Variants in ZFYVE9 observed in about 807,000 individuals in gnomAD.
ZFYVE9 encodes zinc finger FYVE-type containing 9, also known as zinc finger FYVE domain-containing protein 9.
In ZFYVE9, 43 loss-of-function variants were observed where a neutral mutation model predicts 126.7. That is an observed-to-expected ratio of 0.34 (90% CI 0.27 to 0.44). The LOEUF (loss-of-function observed/expected upper bound fraction) is 0.44, where lower values mean the gene tolerates loss of function less well. Among genes scored for constraint, ZFYVE9 ranks in the 20% least tolerant of loss-of-function variants. The pLI is 1.00. For missense variants in ZFYVE9, 1,476 were observed against 1,697.0 expected (o/e 0.87, Z 2.29); for synonymous variants, 521 against 597.4 (o/e 0.87, Z 1.87).
At chr1:52,159,887 C>T (rs1053620190) in intron 1 of ZFYVE9, among the ~76,000 whole-genome samples, 1 of 151,904 alleles carries the variant, frequency 6.6e-6, no homozygotes, top group Non-Finnish European at 1.5e-5. Flanking sequence ...GCTCCGCCTC[C>T]CAGGTTCACG....
intron 10 of ZFYVE9, among the ~76,000 whole-genome samples, chr1:52,290,760 A>G (rs1645911937): frequency 1.3e-5 from 2 of 152,148 alleles, no homozygotes; most frequent in African/African-American, 4.8e-5. Flanking sequence ...CAAAAATCAT[A>G]TATTTGGCTG....
At chr1:52,229,462 G>A (rs534917215) in intron 2 of ZFYVE9, among the ~76,000 whole-genome samples, 1 of 152,270 alleles carries the variant, frequency 6.6e-6, no homozygotes, top group South Asian at 2.1e-4. Flanking sequence ...GATAATGTGA[G>A]GTACTGTGAA....
intron 13 of ZFYVE9, among the ~76,000 whole-genome samples, chr1:52,319,030 G>T (rs1557517809): frequency 6.6e-6 from 1 of 152,176 alleles, no homozygotes; most frequent in Non-Finnish European, 1.5e-5. Flanking sequence ...CTAGGAGGCA[G>T]AGGTTGCAGT....
intron 4 of ZFYVE9, among the ~76,000 whole-genome samples, chr1:52,256,359 G>A (rs1279988236): frequency 6.6e-6 from 1 of 151,450 alleles, no homozygotes; most frequent in African/African-American, 2.4e-5. Flanking sequence ...GAGCCACCAT[G>A]CCCGGCTCTT....
intron 3 of ZFYVE9, among the ~76,000 whole-genome samples, chr1:52,236,480 A>T (rs905618829): frequency 1.3e-5 from 2 of 152,190 alleles, no homozygotes; most frequent in African/African-American, 2.4e-5. Flanking sequence ...GACCATGATT[A>T]TCAGAGATAC....
chr1:52,286,452 CTTT>C (rs1176469203), intron 10 of ZFYVE9, among the ~76,000 whole-genome samples: 1 of 152,122 alleles, frequency 6.6e-6, no homozygotes, highest in Non-Finnish European at 1.5e-5. Context: ...TACACACACA[CTTT>C]TTTGTCATAC....
chr1:52,171,618 A>G (rs945483803), intron 1 of ZFYVE9, among the ~76,000 whole-genome samples: 1 of 152,152 alleles, frequency 6.6e-6, no homozygotes, highest in East Asian at 1.9e-4. Context: ...TCCCACCAAC[A>G]GTGTAAAAGT....
intron 2 of ZFYVE9, among the ~76,000 whole-genome samples, chr1:52,227,737 T>C (rs1557467883): frequency 6.6e-6 from 1 of 152,238 alleles, no homozygotes; most frequent in Non-Finnish European, 1.5e-5. Flanking sequence ...TTAGGAATTC[T>C]AATTTCTCAT....
chr1:52,214,062 T>C (rs1158344713), intron 1 of ZFYVE9, among the ~76,000 whole-genome samples: 1 of 152,134 alleles, frequency 6.6e-6, no homozygotes, highest in Non-Finnish European at 1.5e-5. Context: ...GAGGATACTT[T>C]GAATTGAAGG....
At chr1:52,302,780 A>G (rs1422497997) in intron 12 of ZFYVE9, among the ~76,000 whole-genome samples, 2 of 151,490 alleles carry the variant, frequency 1.3e-5, no homozygotes, top group South Asian at 2.1e-4. Flanking sequence ...GTATCTATAT[A>G]TCTAGAAACT....
intron 3 of ZFYVE9, 87 bp downstream of exon 3, chr1:52,233,363 A>T: frequency 1.1e-6 from 1 of 871,900 alleles, no homozygotes; most frequent in Non-Finnish European, 1.6e-6. Flanking sequence ...AAAAAATAAA[A>T]TCAGGTCTGA....
intron 4 of ZFYVE9, 75 bp downstream of exon 4, chr1:52,239,670 T>C (rs532890441): frequency 1.3e-6 from 2 of 1,490,550 alleles, no homozygotes; most frequent in South Asian, 2.7e-5. Flanking sequence ...ATAAAGGCAA[T>C]GTAAGGTGAA....
intron 13 of ZFYVE9, among the ~76,000 whole-genome samples, chr1:52,313,018 G>A (rs765345214): frequency 6.6e-6 from 1 of 152,114 alleles, no homozygotes; most frequent in Non-Finnish European, 1.5e-5. Context: ...ACACATATAG[G>A]GAAGATGATG....
chr1:52,148,295 T>C (rs1572055334), intron 1 of ZFYVE9, among the ~76,000 whole-genome samples: 1 of 151,946 alleles, frequency 6.6e-6, no homozygotes, highest in East Asian at 2.0e-4. Context: ...GCCAATATGG[T>C]GAAACTCTGT....
chr1:52,161,178 T>C (rs1024556785), intron 1 of ZFYVE9, among the ~76,000 whole-genome samples: 5 of 152,362 alleles, frequency 3.3e-5, no homozygotes, highest in Admixed American at 3.3e-4. Flanking sequence ...AATTATATAG[T>C]TGCTCTAGGT....
intron 4 of ZFYVE9, chr1:52,252,803 T>C: frequency 5.3e-6 from 2 of 378,346 alleles, no homozygotes; most frequent in South Asian, 2.1e-5. Context: ...ACCAGGAGCA[T>C]GGCTCATCCC....
At position 52,273,203 on chromosome 1, in the gene ZFYVE9, C is replaced by T. The variant is rs572399103; in HGVS notation, c.2626-1261C>T. Among the ~76,000 whole-genome samples the T allele has an allele frequency of 3.3e-5, 5 of 151,990 alleles. No individual in the cohort carries two copies. The Middle Eastern group carries it at 0.01, about 317-fold the overall frequency. ...TGTATTATTAGTAGAGATGGGATTT[C>T]ACCATGTTGGCCAGGCTGGTCTCAA... On this transcript the variant is annotated intron_variant, in intron 7 of 18. Transcript: ENST00000287727.
chr1:52,340,050 G>A lies in ZFYVE9; in HGVS notation c.3834-76G>A, dbSNP rs1014887088. 4 of 1,203,384 alleles carry A rather than the reference G, an allele frequency of 3.3e-6. No homozygotes were observed. The South Asian group carries it at 3.7e-5, about 11-fold the overall frequency. 74.5% of individuals were successfully genotyped at this position (1,203,384 alleles called of 1,614,324 possible). A position where few individuals can be genotyped will look rare whatever the true frequency, so the allele number is the denominator to read the frequency against. ...CAGTGTAATTAGCAGGAAGACTTCT[G>A]CAGCAAAACGTGATAGGAAAAATGG... On this transcript the variant is annotated intron_variant, in intron 16 of 18. Transcript: ENST00000287727.
chr1:52,223,877 G>A (rs1405732275), intron 2 of ZFYVE9, among the ~76,000 whole-genome samples: 1 of 152,128 alleles, frequency 6.6e-6, no homozygotes, highest in Admixed American at 6.5e-5. Flanking sequence ...GACTATCATG[G>A]CAGCCCTGAA....
Sources: allele counts gnomAD v4.1 joint callset (sites outside exome capture counted in the v4.1 genomes callset), GRCh38; gene constraint gnomAD v4.1.1; transcripts MANE v1.5; gene names NCBI Gene and HGNC (gene_info 2026-07-23, HGNC 2026-07-21).